Variants in TRIM49 observed in about 807,000 individuals in gnomAD.
TRIM49 encodes tripartite motif-containing protein 49.
A neutral mutation model predicts 27.4 loss-of-function variants in TRIM49; 5 were observed. That is an observed-to-expected ratio of 0.18 (90% CI 0.10 to 0.38). The LOEUF is 0.38. Ranked by LOEUF, TRIM49 falls within the 10% of genes least tolerant of loss-of-function variation. The pLI, the probability that TRIM49 is intolerant of heterozygous loss-of-function variation, is 1.00. For synonymous variants in TRIM49, 69 were observed against 166.0 expected (o/e 0.42, Z 4.49); for missense variants, 188 against 487.5 (o/e 0.39, Z 5.79).
chr11:89,777,857 T>TA, the TRIM49 span: 13 of 493,156 alleles, frequency 2.6e-5, no homozygotes, highest in African/African-American at 4.2e-5. Context: ...CCTTTTTTTT[T>TA]ATTGATAAGG....
At chr11:89,789,726 C>T in the TRIM49 span, 1 of 152,086 alleles carries the variant, frequency 6.6e-6, no homozygotes. Flanking sequence ...GCCAGGCATT[C>T]CTTCCTGTTT....
chr11:89,796,877 TA>T (rs1284484639), downstream of TRIM49, among the ~76,000 whole-genome samples: 1 of 151,694 alleles, frequency 6.6e-6, no homozygotes, highest in African/African-American at 2.4e-5. Context: ...CAGTGAACAA[TA>T]TTGTGTATGT....
At chr11:89,766,494 A>C in the TRIM49 span, 4 of 478,974 alleles carry the variant, frequency 8.4e-6, no homozygotes, top group East Asian at 1.5e-4. Context: ...ACACTAAAGT[A>C]GAAAAAAGCC....
At chr11:89,787,458 A>C in the TRIM49 span, 1 of 399,954 alleles carries the variant, frequency 2.5e-6, no homozygotes, top group African/African-American at 2.5e-5. Context: ...GAGCAGCACA[A>C]GCGGCCTGGC....
chr11:89,796,762 T>G (rs1229814498), downstream of TRIM49, among the ~76,000 whole-genome samples: 1 of 151,848 alleles, frequency 6.6e-6, no homozygotes, highest in African/African-American at 2.4e-5. Flanking sequence ...GTGAGTTATT[T>G]ATTGTTTTAT....
chr11:89,777,406 C>A, the TRIM49 span: 49,445 of 1,511,902 alleles, frequency 0.033, 32 homozygotes, highest in East Asian at 0.084. Context: ...GCCTCTAAGG[C>A]AGTTTGAATT....
chr11:89,800,214 T>C (rs1949723654), intron 6 of TRIM49, among the ~76,000 whole-genome samples: 1 of 151,296 alleles, frequency 6.6e-6, no homozygotes, highest in East Asian at 1.9e-4. Flanking sequence ...ACTTGTTCTC[T>C]CCCCTTTTAG....
chr11:89,777,568 G>C, the TRIM49 span, among the ~76,000 whole-genome samples: 2 of 145,166 alleles, frequency 1.4e-5, no homozygotes, highest in African/African-American at 2.6e-5. Flanking sequence ...AATCATAGCT[G>C]TGTTGAGACT....
rs1949802799 is a variant in TRIM49 at position 89,808,469 on chromosome 11, A to T, written c.-223T>A. On this transcript the variant is annotated 5_prime_UTR_variant, in exon 1 of 8. Transcript: ENST00000329758. The stretch of plus-strand genomic sequence containing the variant: ...TGGGAGCTGCTTAAGCAAATGTGAG[A>T]TCCTGGGTACAGTCCATCAGGAAAA... The T allele has an allele frequency of 6.6e-6, 1 of 150,658 alleles. No homozygotes were observed. Among genetic ancestry groups the T allele is most frequent in the Non-Finnish European group, 1.5e-5 (1 of 67,948 alleles). The allele number at this position is 150,658 out of a possible 1,614,324, so 9.3% of individuals were successfully genotyped here. A position where few individuals can be genotyped will look rare whatever the true frequency, so the allele number is the denominator to read the frequency against.
the TRIM49 span, chr11:89,776,900 C>T: frequency 2.5e-4 from 359 of 1,460,714 alleles, 4 homozygotes; most frequent in Admixed American, 4.2e-4. Flanking sequence ...AATTGTCCAC[C>T]GGCCTTTTTT....
the TRIM49 span, among the ~76,000 whole-genome samples, chr11:89,785,226 G>GAATA: frequency 0.018 from 2,389 of 133,188 alleles, 94 homozygotes; most frequent in Non-Finnish European, 0.019. Flanking sequence ...CTGCCTCAGT[G>GAATA]AATAAATAAA....
downstream of TRIM49, among the ~76,000 whole-genome samples, chr11:89,792,939 G>A (rs1237234949): frequency 2.0e-5 from 3 of 152,266 alleles, no homozygotes; most frequent in East Asian, 1.9e-4. Context: ...ACCTTCAAAA[G>A]ATCAGTGAAT....
At chr11:89,768,866 G>T in the TRIM49 span, 3 of 495,316 alleles carry the variant, frequency 6.1e-6, no homozygotes, top group Non-Finnish European at 1.2e-5. Flanking sequence ...GAGAGAGAGA[G>T]AAAACGACTC....
At chr11:89,805,028 A>G (rs1949777672) in intron 2 of TRIM49, among the ~76,000 whole-genome samples, 1 of 151,694 alleles carries the variant, frequency 6.6e-6, no homozygotes, top group Admixed American at 6.6e-5. Context: ...TTAAAATTAA[A>G]TTAAATTAAA....
At chr11:89,793,149 A>C (rs1374348391), downstream of TRIM49, among the ~76,000 whole-genome samples, 1 of 151,560 alleles carries the variant, frequency 6.6e-6, no homozygotes, top group Admixed American at 6.6e-5. Context: ...ATCTAGAAGA[A>C]ATGGACACAT....
At chr11:89,782,033 A>G in the TRIM49 span, 11 of 1,524,432 alleles carry the variant, frequency 7.2e-6, 1 homozygote, top group Non-Finnish European at 9.7e-6. Flanking sequence ...ACAAGCATTC[A>G]CCTCCGGCAA....
chr11:89,769,966 C>T, the TRIM49 span, among the ~76,000 whole-genome samples: 2 of 134,014 alleles, frequency 1.5e-5, 1 homozygote, highest in African/African-American at 6.7e-5. Flanking sequence ...CTAACAAGTA[C>T]ACAGAGCCAA....
chr11:89,770,418 T>G, the TRIM49 span, among the ~76,000 whole-genome samples: 7 of 138,014 alleles, frequency 5.1e-5, no homozygotes, highest in Non-Finnish European at 1.1e-4. Context: ...CAGTTTATAT[T>G]TAGATATTTT....
At chr11:89,776,733 T>A in the TRIM49 span, among the ~76,000 whole-genome samples, 1 of 152,090 alleles carries the variant, frequency 6.6e-6, no homozygotes, top group Non-Finnish European at 1.5e-5. Context: ...GACTTGAACA[T>A]CTTAGGATCT....
Sources: allele counts gnomAD v4.1 joint callset (sites outside exome capture counted in the v4.1 genomes callset), GRCh38; gene constraint gnomAD v4.1.1; transcripts MANE v1.5; gene names NCBI Gene and HGNC (gene_info 2026-07-23, HGNC 2026-07-21).